The following NEK6 variants were observed in gnomAD, a reference collection of about 807,000 sequenced individuals.
The protein encoded by NEK6 is serine/threonine-protein kinase Nek6.
Under a neutral mutation model 43.5 loss-of-function variants are expected in NEK6, and 27 were observed. That is an observed-to-expected ratio of 0.62 (90% CI 0.46 to 0.86). NEK6 has a LOEUF of 0.86. NEK6 is among the 40% of genes least tolerant of loss of function. The pLI is 0.00. For missense variants in NEK6, 318 were observed against 414.4 expected (o/e 0.77, Z 2.02); for synonymous variants, 167 against 164.1 (o/e 1.02, Z -0.14).
intron 1 of NEK6, among the ~76,000 whole-genome samples, chr9:124,295,731 G>A (rs1043038363): frequency 3.1e-4 from 47 of 152,334 alleles, no homozygotes; most frequent in Admixed American, 1.7e-3. Context: ...CTCTGTTGGC[G>A]GGGGCTGTTA....
chr9:124,332,198 A>T (rs950568589), intron 7 of NEK6, among the ~76,000 whole-genome samples: 2 of 152,218 alleles, frequency 1.3e-5, no homozygotes, highest in African/African-American at 4.8e-5. Context: ...TTCGACAAGG[A>T]TCTGTGCTGG....
At chr9:124,314,459 T>C (rs1418290592) in intron 4 of NEK6, among the ~76,000 whole-genome samples, 1 of 151,666 alleles carries the variant, frequency 6.6e-6, no homozygotes, top group Non-Finnish European at 1.5e-5. Context: ...CCTTTTTCTT[T>C]GGTTTTGTTG....
intron 1 of NEK6, chr9:124,258,422 C>T: frequency 1.8e-5 from 16 of 879,232 alleles, no homozygotes; most frequent in Non-Finnish European, 2.0e-5. Context: ...GTGGGGACGA[C>T]GGGCGGAGGA....
chr9:124,305,727 G>GGGAGGGAT (rs1032881091), intron 2 of NEK6, among the ~76,000 whole-genome samples: 1 of 152,034 alleles, frequency 6.6e-6, no homozygotes, highest in African/African-American at 2.4e-5. Context: ...GAAGCTCCCC[G>GGGAGGGAT]GGAGGGATGG....
intron 5 of NEK6, among the ~76,000 whole-genome samples, chr9:124,322,961 G>T (rs943505008): frequency 1.3e-5 from 2 of 152,204 alleles, no homozygotes; most frequent in Non-Finnish European, 2.9e-5. Flanking sequence ...ACAGATCCCT[G>T]GTGGGAACAG....
chr9:124,316,746 TG>T (rs1248263958), intron 4 of NEK6, among the ~76,000 whole-genome samples: 2 of 152,346 alleles, frequency 1.3e-5, no homozygotes, highest in African/African-American at 4.8e-5. Flanking sequence ...TGCCTGTGCC[TG>T]TGTAGACTGC....
At chr9:124,323,122 C>T (rs1042905575) in intron 5 of NEK6, among the ~76,000 whole-genome samples, 4 of 152,220 alleles carry the variant, frequency 2.6e-5, no homozygotes, top group African/African-American at 9.7e-5. Flanking sequence ...GCCAGCATGG[C>T]TCCTGCCCTC....
chr9:124,290,929 A>G (rs1832388311), intron 1 of NEK6, among the ~76,000 whole-genome samples: 1 of 152,200 alleles, frequency 6.6e-6, no homozygotes, highest in Non-Finnish European at 1.5e-5. Flanking sequence ...GGGGACCTGT[A>G]AGAACAGGAA....
chr9:124,294,163 C>T (rs1052082361), intron 1 of NEK6, among the ~76,000 whole-genome samples: 1 of 152,176 alleles, frequency 6.6e-6, no homozygotes, highest in Non-Finnish European at 1.5e-5. Flanking sequence ...GTCAGTAGTT[C>T]GAGACCAGCC....
rs554508779 is a variant in NEK6, at chr9:124,326,093, G to A, written c.406-237G>A. Among the ~76,000 whole-genome samples, 18 of 152,330 alleles carry A rather than the reference G, an allele frequency of 1.2e-4. No homozygotes were observed. The highest frequency in any genetic ancestry group is 8.3e-4 in the South Asian group (4 of 4,832). The stretch of plus-strand genomic sequence containing the variant: ...CATGCCAGGCCTGCCTGGCCCTCAC[G>A]GAGCTTGCTGGGTTGGGACAGGGTG... On this transcript the variant is annotated intron_variant, in intron 5 of 9. Transcript: ENST00000320246. The surrounding 1 kb of genome is among the most constrained non-coding windows in gnomAD (Gnocchi z 4.5).
At chr9:124,262,006 T>C (rs543406986) in intron 1 of NEK6, among the ~76,000 whole-genome samples, 11 of 151,808 alleles carry the variant, frequency 7.2e-5, no homozygotes, top group African/African-American at 1.9e-4. Flanking sequence ...GCACATGCCG[T>C]GGAACTTTAC....
intron 1 of NEK6, among the ~76,000 whole-genome samples, chr9:124,295,247 C>T (rs1161675614): frequency 6.6e-6 from 1 of 152,244 alleles, no homozygotes; most frequent in Non-Finnish European, 1.5e-5. Context: ...CTTGGCTTTG[C>T]AGGTGGAGAG....
At chr9:124,278,001 A>G (rs1010617449) in intron 1 of NEK6, among the ~76,000 whole-genome samples, 1 of 152,214 alleles carries the variant, frequency 6.6e-6, no homozygotes, top group African/African-American at 2.4e-5. Context: ...TACGGGATGC[A>G]CCATCATATA....
chr9:124,304,660 C>G (rs1022973236), intron 2 of NEK6, among the ~76,000 whole-genome samples: 7 of 152,190 alleles, frequency 4.6e-5, no homozygotes, highest in African/African-American at 1.7e-4. Flanking sequence ...ATAATACCCC[C>G]AGTGTAGAAA....
chr9:124,306,028 TGG>T (rs1833238367), intron 2 of NEK6, among the ~76,000 whole-genome samples: 1 of 152,154 alleles, frequency 6.6e-6, no homozygotes, highest in African/African-American at 2.4e-5. Context: ...AGATCACTGG[TGG>T]CTCGTGCTCA....
At chr9:124,342,620 CT>C (rs1302899649) in intron 8 of NEK6, among the ~76,000 whole-genome samples, 2 of 152,268 alleles carry the variant, frequency 1.3e-5, no homozygotes, top group Non-Finnish European at 2.9e-5. Flanking sequence ...GCTCCTGCAG[CT>C]TGCCACATTT....
rs1433937860 is a variant in NEK6, at chr9:124,350,690, C to T, written c.832-147C>T. 65 of 691,582 alleles carry T rather than the reference C, an allele frequency of 9.4e-5. 1 individual carries two copies. In the Admixed American group the frequency reaches 1.3e-3, roughly 14 times the overall value. 42.8% of individuals were successfully genotyped at this position (691,582 alleles called of 1,614,324 possible). On this transcript the variant is annotated intron_variant, in intron 9 of 9. Transcript: ENST00000320246. ...GCTGCGCACCCCTTACTTGCCCCAGCTAAACACCGTTCTTCAGCTCTAACG... is the reference window on the plus strand; with the variant it reads ...GCTGCGCACCCCTTACTTGCCCCAGTTAAACACCGTTCTTCAGCTCTAACG...
At chr9:124,293,058 G>T in intron 1 of NEK6, 3 of 1,437,272 alleles carry the variant, frequency 2.1e-6, no homozygotes, top group Non-Finnish European at 2.8e-6. Flanking sequence ...TCTCTGGGAT[G>T]GTGGGCCTGC....
At chr9:124,268,359 G>GT (rs1216477964) in intron 1 of NEK6, among the ~76,000 whole-genome samples, 9 of 152,176 alleles carry the variant, frequency 5.9e-5, no homozygotes, top group Non-Finnish European at 1.2e-4. Flanking sequence ...TACCTGGCCT[G>GT]GTGCTGGGTA....
Sources: allele counts gnomAD v4.1 joint callset (sites outside exome capture counted in the v4.1 genomes callset), GRCh38; gene constraint gnomAD v4.1.1; non-coding constraint Gnocchi (gnomAD v3.1); transcripts MANE v1.5; gene names NCBI Gene and HGNC (gene_info 2026-07-23, HGNC 2026-07-21).